The following ZNF112 variants were observed in gnomAD, a reference collection of about 807,000 sequenced individuals.
The protein encoded by ZNF112 is zinc finger protein 112.
ZNF112 carries 37 observed loss-of-function variants against 77.7 expected under a neutral mutation model. The observed-to-expected ratio is 0.48, with a 90% CI of 0.37 to 0.63. The LOEUF (loss-of-function observed/expected upper bound fraction) is 0.63. Among genes scored for constraint, ZNF112 ranks in the 20% least tolerant of loss-of-function variants. ZNF112 has a pLI of 0.00. For missense variants in ZNF112, 950 were observed against 1,077.4 expected (o/e 0.88, Z 1.66); for synonymous variants, 333 against 363.6 (o/e 0.92, Z 0.96).
At chr19:44,354,032 T>G (rs575870732) in intron 1 of ZNF112, among the ~76,000 whole-genome samples, 1 of 152,278 alleles carries the variant, frequency 6.6e-6, no homozygotes, top group South Asian at 2.1e-4. Flanking sequence ...TAACCAGAAG[T>G]AAACAGAAAT....
chr19:44,364,615 AG>A (rs1486686318), intron 1 of ZNF112, among the ~76,000 whole-genome samples: 4 of 152,244 alleles, frequency 2.6e-5, no homozygotes, highest in African/African-American at 9.6e-5. Flanking sequence ...TCAATGAAAC[AG>A]GGATCAAAAA....
intron 2 of ZNF112, among the ~76,000 whole-genome samples, chr19:44,337,943 T>C (rs1255678852): frequency 7.8e-6 from 1 of 127,462 alleles, no homozygotes; most frequent in Non-Finnish European, 1.6e-5. Context: ...ATACCTAGCA[T>C]CCAGACTTTG....
At chr19:44,357,593 TTGA>T (rs1970806323), upstream of ZNF112, among the ~76,000 whole-genome samples, 2 of 152,306 alleles carry the variant, frequency 1.3e-5, no homozygotes, top group South Asian at 2.1e-4. Flanking sequence ...GATGCAACCG[TTGA>T]TGAGGCCATA....
intron 2 of ZNF112, among the ~76,000 whole-genome samples, chr19:44,339,738 G>A (rs1242493856): frequency 6.6e-6 from 1 of 152,108 alleles, no homozygotes; most frequent in Non-Finnish European, 1.5e-5. Flanking sequence ...TATTGAGCCT[G>A]AGTGTGGGGC....
Position 44,329,859 on chromosome 19 carries a change from G to A in ZNF112, c.298C>T (p.Arg100Cys), listed in dbSNP as rs147070415. 173 of 1,613,798 alleles carry A rather than the reference G, an allele frequency of 1.1e-4. No homozygotes were observed. The highest frequency in any genetic ancestry group is 3.3e-4 in the Middle Eastern group (2 of 6,076). Residue 100 changes from arginine to cysteine, a missense_variant, in exon 4 of 4, where the codon CGT becomes TGT. Physicochemically the swap from Arg to Cys is radical, Grantham distance 180. This residue lies in a region of ZNF112 where 560 missense variants were observed against 557.3 expected (regional missense o/e 1.00). Transcript: ENST00000354340. Reference protein sequence around the residue: ...SYFSPKELSSRQTWQQSAGGL... With the variant: ...SYFSPKELSSCQTWQQSAGGL... Reference sequence around the variant, plus strand: ...CCTGCACTTTGTTGCCAGGTCTGACGGGAGGAAAGCTCTTTGGGGGAAAAG... The same window carrying A: ...CCTGCACTTTGTTGCCAGGTCTGACAGGAGGAAAGCTCTTTGGGGGAAAAG...
intron 1 of ZNF112, among the ~76,000 whole-genome samples, chr19:44,365,553 A>G (rs2722746): frequency 0.5 from 76,285 of 151,808 alleles, 20,549 homozygotes; most frequent in South Asian, 0.62. Flanking sequence ...AGGTTATCCT[A>G]GATATTTCTT....
chr19:44,340,344 GTT>G, intron 2 of ZNF112, 70 bp downstream of exon 2: 2 of 1,559,206 alleles, frequency 1.3e-6, no homozygotes, highest in South Asian at 2.4e-5. Context: ...GGGCTTCAGA[GTT>G]TCTAACAATT....
At chr19:44,338,233 G>T (rs937895611) in intron 2 of ZNF112, among the ~76,000 whole-genome samples, 1 of 151,806 alleles carries the variant, frequency 6.6e-6, no homozygotes, top group Non-Finnish European at 1.5e-5. Context: ...CTTGAGAAGT[G>T]GGGGGCTCTT....
upstream of ZNF112, among the ~76,000 whole-genome samples, chr19:44,358,135 G>C (rs1177274211): frequency 4.9e-5 from 6 of 122,396 alleles, no homozygotes; most frequent in Non-Finnish European, 8.2e-5. Context: ...CTGGGCAACA[G>C]AGCGAGACTC....
rs565886431 is a variant in ZNF112, at chr19:44,366,123, G to A, written c.17+958C>T. On this transcript the variant is annotated intron_variant, in intron 1 of 4. Transcript: ENST00000588057. The stretch of plus-strand genomic sequence containing the variant: ...CCAGCACTTTGGGAGACAGAGGCAG[G>A]AGGATAGCTTGTAGCCAGGAGTTTG... Among the ~76,000 whole-genome samples the A allele has an allele frequency of 3.3e-4, 51 of 152,318 alleles. 1 individual carries two copies. The highest frequency in any genetic ancestry group is 1.2e-3 in the African/African-American group (48 of 41,566).
At chr19:44,353,347 A>C (rs544908467) in intron 1 of ZNF112, among the ~76,000 whole-genome samples, 1 of 152,250 alleles carries the variant, frequency 6.6e-6, no homozygotes, top group African/African-American at 2.4e-5. Flanking sequence ...GACTTCTTAG[A>C]TATGACATCA....
At chr19:44,336,469 T>C (rs920038378) in intron 3 of ZNF112, among the ~76,000 whole-genome samples, 154 bp downstream of exon 3, 2 of 152,166 alleles carry the variant, frequency 1.3e-5, no homozygotes, top group African/African-American at 4.8e-5. Flanking sequence ...AGGGGACAGA[T>C]ACCTTAGGAC....
intron 1 of ZNF112, among the ~76,000 whole-genome samples, chr19:44,354,889 C>G (rs1970758520): frequency 6.6e-6 from 1 of 152,184 alleles, no homozygotes; most frequent in African/African-American, 2.4e-5. Flanking sequence ...CTAGCTTCCT[C>G]AAGTAAGGAC....
At position 44,366,036 on chromosome 19, in the gene ZNF112, A is replaced by C. The variant is rs375933666; in HGVS notation, c.17+1045T>G. On this transcript the variant is annotated intron_variant, in intron 1 of 4. Coordinates refer to the ZNF112 transcript ENST00000588057. ...GTCAGTTATGTATACACTGTAGTGA[A>C]CAAAGAATAGTAAGTTGTTAAGAAG... 8.6e-4 allele frequency among the ~76,000 whole-genome samples: 131 copies of C among 152,286 alleles called. 3 individuals are homozygous for C. Among genetic ancestry groups the C allele is most frequent in the African/African-American group, 3.0e-3 (123 of 41,572 alleles).
Position 44,340,463 on chromosome 19 carries a change from A to T in ZNF112, c.77T>A (p.Leu26Gln), listed in dbSNP as rs139122982. The stretch of plus-strand genomic sequence containing the variant: ...GTTCTCCAGCATCACATCTCGGTAC[A>T]GCTTCCTCTGGACAGAGTCCAGCAG... ...LGLLDSVQRK[L>Q]YRDVMLENFR... Residue 26 changes from leucine (L) to glutamine (Q), a missense_variant, in exon 2 of 4, where the codon CTG becomes CAG. By Grantham distance (113) the Leu-to-Gln change is moderately radical. Coordinates refer to ENST00000354340, the MANE Select transcript of ZNF112 (RefSeq NM_013380.4). 1 of 1,614,002 alleles carries T rather than the reference A, an allele frequency of 6.2e-7. No individual in the cohort carries two copies. The highest frequency in any genetic ancestry group is 1.3e-5 in the African/African-American group (1 of 74,916).
chr19:44,350,468 T>C (rs1970671728), intron 1 of ZNF112, among the ~76,000 whole-genome samples: 1 of 152,076 alleles, frequency 6.6e-6, no homozygotes, highest in African/African-American at 2.4e-5. Flanking sequence ...ATTGATATAA[T>C]ACTGAATGAC....
chr19:44,336,798 C>T, intron 2 of ZNF112, 80 bp from the exon 3 acceptor site: 1 of 1,123,574 alleles, frequency 8.9e-7, no homozygotes, highest in Non-Finnish European at 1.4e-6. Flanking sequence ...AAGGTATACA[C>T]AGACAAGTGA....
upstream of ZNF112, among the ~76,000 whole-genome samples, chr19:44,357,925 A>G (rs1423727947): frequency 6.6e-6 from 1 of 152,054 alleles, no homozygotes; most frequent in African/African-American, 2.4e-5. Context: ...CAATCTGTGA[A>G]AATGCTCACG....
At position 44,346,792 on chromosome 19, in the gene ZNF112, G is replaced by A. The variant is rs548947962; in HGVS notation, c.-3-6250C>T. On this transcript the variant is annotated intron_variant, in intron 1 of 3. Coordinates refer to ENST00000354340, the MANE Select transcript of ZNF112 (RefSeq NM_013380.4). ...CACAGTTCCCGCTGCACAGAAATCT[G>A]TAGCCAAATGGGAAAGACAGATCAG... Among the ~76,000 whole-genome samples, 3 of 152,258 alleles carry A rather than the reference G, an allele frequency of 2.0e-5. No individual in the cohort carries two copies. The South Asian group carries it at 6.2e-4, about 32-fold the overall frequency.
Sources: gnomAD v4.1 joint callset for allele counts (sites outside exome capture counted in the v4.1 genomes callset) on GRCh38, gnomAD v4.1.1 for gene constraint, gnomAD v4.1.1 regional missense constraint, MANE v1.5 for transcripts, NCBI Gene and HGNC (gene_info 2026-07-23, HGNC 2026-07-21) for gene names.